ARHGEF1: variants seen among roughly 807,000 people sequenced by gnomAD.
ARHGEF1 encodes Rho guanine nucleotide exchange factor 1, also known as 115 kDa guanine nucleotide exchange factor.
Under a neutral mutation model 119.7 loss-of-function variants are expected in ARHGEF1, and 40 were observed. The observed-to-expected ratio is 0.33, with a 90% CI of 0.26 to 0.44. The LOEUF is 0.44. Ranked by LOEUF, ARHGEF1 falls within the 20% of genes least tolerant of loss-of-function variation. The pLI is 1.00. For missense variants in ARHGEF1, 976 were observed against 1,268.3 expected (o/e 0.77, Z 3.50); for synonymous variants, 494 against 521.0 (o/e 0.95, Z 0.71).
chr19:41,927,477 C>T (rs2074878341), intron 1 of ARHGEF1, among the ~76,000 whole-genome samples: 2 of 152,212 alleles, frequency 1.3e-5, no homozygotes, highest in Middle Eastern at 3.4e-3. Flanking sequence ...AGTCCAAACT[C>T]CTATGCTGAT....
At position 41,884,313 on chromosome 19, in the gene ARHGEF1, T is replaced by C. The variant is rs936475675; in HGVS notation, c.-20+1024T>C. The C allele has an allele frequency of 2.2e-5, 25 of 1,139,278 alleles. No homozygotes were observed. In the African/African-American group the frequency reaches 3.7e-4, roughly 17 times the overall value. 70.6% of individuals were successfully genotyped at this position (1,139,278 alleles called of 1,614,324 possible). On this transcript the variant is annotated intron_variant, in intron 1 of 28. Coordinates refer to ENST00000354532, the MANE Select transcript of ARHGEF1 (RefSeq NM_004706.4). The stretch of plus-strand genomic sequence containing the variant: ...GCGGCCGGCGGGAGGAGTAGAGTCG[T>C]CGGGGCCGGAGCCCGGCAGGAGCCG...
downstream of ARHGEF1, chr19:41,907,506 G>A (rs1555850628): frequency 6.0e-6 from 7 of 1,174,594 alleles, no homozygotes; most frequent in African/African-American, 4.7e-5. Context: ...GGAACTCTCT[G>A]TGACTGTCTG....
At chr19:41,887,180 C>T (rs116309346) in intron 1 of ARHGEF1, among the ~76,000 whole-genome samples, 1,920 of 152,012 alleles carry the variant, frequency 0.013, 37 homozygotes, top group African/African-American at 0.044. Flanking sequence ...GGGGTGTCAC[C>T]GCTGAGAGGG....
Position 41,883,410 on chromosome 19 carries a change from C to G in ARHGEF1, c.-20+121C>G, listed in dbSNP as rs2074251244. On this transcript the variant is annotated intron_variant, in intron 1 of 28. Transcript: ENST00000354532. The surrounding 1 kb of genome is among the most constrained non-coding windows in gnomAD (Gnocchi z 7.6). The stretch of plus-strand genomic sequence containing the variant: ...GGGCCCCCTTCGGACCCCACGGAAC[C>G]AGCGGCCGCCCCTCCTTGGGCCTCA... 1 of 154,678 alleles carries G rather than the reference C, an allele frequency of 6.5e-6. No individual in the cohort carries two copies. Among genetic ancestry groups the G allele is most frequent in the Non-Finnish European group, 1.4e-5 (1 of 69,100 alleles). 9.6% of individuals were successfully genotyped at this position (154,678 alleles called of 1,614,324 possible).
In ARHGEF1 at chr19:41,916,789, GAC is replaced by G. The variant is rs1352285884; in HGVS notation, c.1866-6299_1866-6298del. On this transcript the variant is annotated intron_variant, in intron 18 of 20. Coordinates refer to the ARHGEF1 transcript ENST00000599589. This position sits in a 1 kb window ranked among gnomAD's most constrained non-coding sequence, Gnocchi z 5.4. ...ACGGCCACACACACACCCATTCACA[GAC>G]ACAGTCACAATCACACACACACACC... Among the ~76,000 whole-genome samples the G allele has an allele frequency of 6.6e-6, 1 of 151,746 alleles. No homozygotes were observed. The highest frequency in any genetic ancestry group is 1.5e-5 in the Non-Finnish European group (1 of 67,916).
Position 41,907,444 on chromosome 19 carries a change from C to A in ARHGEF1, c.*357C>A. 2 of 1,510,594 alleles carry A rather than the reference C, an allele frequency of 1.3e-6. No individual in the cohort carries two copies. Among genetic ancestry groups the A allele is most frequent in the Admixed American group, 2.1e-5 (1 of 48,608 alleles). The allele number at this position is 1,510,594 out of a possible 1,614,324, so 93.6% of individuals were successfully genotyped here. On this transcript the variant is annotated 3_prime_UTR_variant, in exon 29 of 29. Coordinates refer to ENST00000354532, the MANE Select transcript of ARHGEF1 (RefSeq NM_004706.4). ...AGGTTTATTTTTTAATATATATTAT[C>A]TAAGAAGAGATCTGTGTGTGTGATG...
chr19:41,925,827 G>T (rs1346483767), intron 1 of ARHGEF1, among the ~76,000 whole-genome samples: 3 of 152,128 alleles, frequency 2.0e-5, no homozygotes, highest in Non-Finnish European at 4.4e-5. Context: ...CTTCTGGAAG[G>T]GCAGGTGTTG....
chr19:41,926,690 G>A (rs118019496), intron 1 of ARHGEF1, among the ~76,000 whole-genome samples: 1 of 151,960 alleles, frequency 6.6e-6, no homozygotes, highest in Non-Finnish European at 1.5e-5. Context: ...TGCGGAGCGC[G>A]TCTGGGCCGC....
At chr19:41,909,147 G>A, downstream of ARHGEF1, 1 of 1,231,932 alleles carries the variant, frequency 8.1e-7, no homozygotes, top group Middle Eastern at 3.1e-4. This position sits in a 1 kb window ranked among gnomAD's most constrained non-coding sequence, Gnocchi z 5.2. Context: ...GGCTCTCCCA[G>A]GCGTGGGGCA....
intron 18 of ARHGEF1, among the ~76,000 whole-genome samples, chr19:41,915,319 T>C (rs1369185242): frequency 6.6e-6 from 1 of 151,530 alleles, no homozygotes; most frequent in East Asian, 2.0e-4. Context: ...GCAGTCTCTG[T>C]GCCCAGCCTT....
chr19:41,922,296 A>G (rs1034156943), upstream of ARHGEF1, among the ~76,000 whole-genome samples: 10 of 152,188 alleles, frequency 6.6e-5, no homozygotes, highest in African/African-American at 2.4e-4. Context: ...GCAGGGAATC[A>G]GGGAGACAGA....
chr19:41,898,011 G>A, intron 13 of ARHGEF1: 6 of 1,329,134 alleles, frequency 4.5e-6, no homozygotes, highest in Non-Finnish European at 5.8e-6. Context: ...CCTTCCCGGG[G>A]CAGCCTCGGG....
In ARHGEF1 at chr19:41,888,662, G is replaced by A; in HGVS notation, c.112-90G>A. ...CTTCCCAGGAGCTAACCCTGGCTTG[G>A]ATCCCTTGTGAAGTGCCAGGAATGG... is the stretch of plus-strand genomic sequence containing the variant. On this transcript the variant is annotated intron_variant, in intron 3 of 28. Transcript: ENST00000354532. This position sits in a 1 kb window ranked among gnomAD's most constrained non-coding sequence, Gnocchi z 5.1. 7.9e-7 allele frequency: 1 copy of A among 1,261,986 alleles called. No individual in the cohort carries two copies. The highest frequency in any genetic ancestry group is 1.1e-6 in the Non-Finnish European group (1 of 879,078). The allele number at this position is 1,261,986 out of a possible 1,614,324, so 78.2% of individuals were successfully genotyped here.
rs905992841 is a variant in ARHGEF1 at position 41,926,639 on chromosome 19, T to C, written c.141-2192T>C. On this transcript the variant is annotated intron_variant, in intron 1 of 2. Coordinates refer to the ARHGEF1 transcript ENST00000594417. Reference sequence around the variant, plus strand: ...CTGGGCTAGGCGAGGCCTGGCCTGCTGGCCTGCCGGGCAGCCAGGGCCCCT... The same window carrying C: ...CTGGGCTAGGCGAGGCCTGGCCTGCCGGCCTGCCGGGCAGCCAGGGCCCCT... 6.6e-5 allele frequency among the ~76,000 whole-genome samples: 10 copies of C among 151,104 alleles called. No homozygotes were observed. In the East Asian group the frequency reaches 2.0e-3, roughly 30 times the overall value.
chr19:41,893,245 T>A (rs373399447), intron 7 of ARHGEF1, 29 bp from the exon 8 acceptor site: 1 of 1,612,286 alleles, frequency 6.2e-7, no homozygotes, highest in Admixed American at 1.7e-5. Flanking sequence ...CTAGCAAATA[T>A]GTCACAAACA....
intron 1 of ARHGEF1, chr19:41,927,954 C>T (rs2074881523): frequency 6.6e-6 from 1 of 151,752 alleles, no homozygotes; most frequent in Non-Finnish European, 1.5e-5. Context: ...CTCAGGCCTC[C>T]CGGGACCACC....
downstream of ARHGEF1, among the ~76,000 whole-genome samples, chr19:41,910,873 C>A (rs1177813012): frequency 6.6e-6 from 1 of 152,196 alleles, no homozygotes; most frequent in Non-Finnish European, 1.5e-5. This position sits in a 1 kb window ranked among gnomAD's most constrained non-coding sequence, Gnocchi z 4.4. Flanking sequence ...CAGACACAGG[C>A]TGCGCAAGAC....
At position 41,902,653 on chromosome 19, in the gene ARHGEF1, G is replaced by A; in HGVS notation, c.1618G>A (p.Val540Met). Residue 540 changes from valine (V) to methionine (M), a missense_variant, in exon 17 of 29, where the codon GTG (valine) becomes ATG (methionine). By Grantham distance (21) the Val-to-Met change is conservative (BLOSUM62 1). Coordinates refer to ENST00000354532, the MANE Select transcript of ARHGEF1 (RefSeq NM_004706.4). This position sits in a 1 kb window ranked among gnomAD's most constrained non-coding sequence, Gnocchi z 6.5. ...CAAGGACCCTCGGTTCTGTGCCTTC[G>A]TGCAGGTGAGGTGGGGTCTGGACTC... ...QRKDPRFCAF[V>M]QEAESRPRCR... 1.2e-6 allele frequency: 2 copies of A among 1,614,212 alleles called. No homozygotes were observed. Among genetic ancestry groups the A allele is most frequent in the Non-Finnish European group, 1.7e-6 (2 of 1,180,032 alleles).
Position 41,904,180 on chromosome 19 carries a change from C to T in ARHGEF1, c.1994-36C>T, listed in dbSNP as rs538013797. ...AGCCAAGGGCGGGGAGGGGGTCGCG[C>T]GGGGGCACGCCGTGTGAGCACTGCT... On this transcript the variant is annotated intron_variant, in intron 21 of 28. Coordinates refer to ENST00000354532, the MANE Select transcript of ARHGEF1 (RefSeq NM_004706.4). This position sits in a 1 kb window ranked among gnomAD's most constrained non-coding sequence, Gnocchi z 8.4. 19 of 1,612,342 alleles carry T rather than the reference C, an allele frequency of 1.2e-5. No homozygotes were observed. The African/African-American group carries it at 1.3e-4, about 11-fold the overall frequency.
Sources: allele counts gnomAD v4.1 joint callset (sites outside exome capture counted in the v4.1 genomes callset), GRCh38; gene constraint gnomAD v4.1.1; non-coding constraint Gnocchi (gnomAD v3.1); transcripts MANE v1.5; gene names NCBI Gene and HGNC (gene_info 2026-07-23, HGNC 2026-07-21).